Variants in PCSK6 observed in about 807,000 individuals in gnomAD.
PCSK6 encodes paired basic amino acid cleaving enzyme 4.
A neutral mutation model predicts 123.3 loss-of-function variants in PCSK6; 85 were observed. The ratio of observed to expected loss-of-function variants is 0.69; its 90% CI spans 0.58 to 0.83. PCSK6 has a LOEUF of 0.83. Ranked by LOEUF, PCSK6 falls within the 40% of genes least tolerant of loss-of-function variation. PCSK6 has a pLI of 0.00. For synonymous variants in PCSK6, 508 were observed against 516.0 expected, an observed-to-expected ratio of 0.98 and a Z score of 0.21; for missense variants, 1,191 against 1,282.3, an observed-to-expected ratio of 0.93 and a Z score of 1.09.
At chr15:101,386,323 T>C (rs1444010603) in intron 9 of PCSK6, among the ~76,000 whole-genome samples, 1 of 152,070 alleles carries the variant, frequency 6.6e-6, no homozygotes, top group Non-Finnish European at 1.5e-5. Context: ...CACAGGCGTC[T>C]CTCCAGTGGC....
intron 9 of PCSK6, among the ~76,000 whole-genome samples, chr15:101,384,864 G>A (rs1055146222): frequency 1.3e-5 from 2 of 152,340 alleles, no homozygotes; most frequent in East Asian, 3.9e-4. Context: ...CCCACTGGCT[G>A]TAGATTATAA....
rs1180759856 is a variant in PCSK6, at chr15:101,408,186, C to T, written c.824-9610G>A. Among the ~76,000 whole-genome samples the T allele has an allele frequency of 3.3e-5, 5 of 152,196 alleles. No individual in the cohort carries two copies. In the East Asian group the frequency reaches 9.6e-4, roughly 29 times the overall value. ...GGCAAGGAACCCTAGAGGAGGCGCA[C>T]GTGCCAAGAAAGCAAACCCATATCC... On this transcript the variant is annotated intron_variant, in intron 6 of 21. Transcript: ENST00000611716.
At position 101,304,047 on chromosome 15, in the gene PCSK6, G is replaced by A. The variant is rs1029818992; in HGVS notation, c.*1211C>T. The A allele has an allele frequency of 6.6e-6, 1 of 152,612 alleles. No individual in the cohort carries two copies. The highest frequency in any genetic ancestry group is 1.5e-5 in the Non-Finnish European group (1 of 68,040). 9.5% of individuals were successfully genotyped at this position (152,612 alleles called of 1,614,324 possible). ...TCTGGGTTCTCTCCAGCTCACAGGTGACAAGGCAAATGCACTGTCGTCAAA... is the reference window on the plus strand; with the variant it reads ...TCTGGGTTCTCTCCAGCTCACAGGTAACAAGGCAAATGCACTGTCGTCAAA... On this transcript the variant is annotated 3_prime_UTR_variant, in exon 22 of 22. Transcript: ENST00000611716.
chr15:101,341,752 A>T (rs1271653973), intron 13 of PCSK6, among the ~76,000 whole-genome samples: 3 of 152,224 alleles, frequency 2.0e-5, no homozygotes, highest in Non-Finnish European at 4.4e-5. Context: ...AAGGGAAATG[A>T]TAGCAGATGA....
chr15:101,403,507 T>G (rs2042672556), intron 6 of PCSK6, among the ~76,000 whole-genome samples: 1 of 151,952 alleles, frequency 6.6e-6, no homozygotes, highest in South Asian at 2.1e-4. Flanking sequence ...TAAAAACACA[T>G]GACTTGATAA....
intron 2 of PCSK6, among the ~76,000 whole-genome samples, chr15:101,432,627 C>CAA (rs555911608): frequency 1.0e-5 from 1 of 97,392 alleles, no homozygotes; most frequent in Non-Finnish European, 2.2e-5. Flanking sequence ...AAGACCCTGT[C>CAA]AAAAAAAAAA....
chr15:101,328,711 G>C (rs1399828010), intron 15 of PCSK6, among the ~76,000 whole-genome samples: 1 of 152,138 alleles, frequency 6.6e-6, no homozygotes, highest in African/African-American at 2.4e-5. Context: ...AGAGCTGCAG[G>C]GCCCCCACAC....
chr15:101,352,180 C>T (rs1461701388), intron 13 of PCSK6, among the ~76,000 whole-genome samples: 1 of 124,160 alleles, frequency 8.1e-6, no homozygotes, highest in Non-Finnish European at 1.6e-5. Flanking sequence ...CGGGGTCTCA[C>T]TCTGTCGCCC....
intron 1 of PCSK6, among the ~76,000 whole-genome samples, chr15:101,460,310 C>G (rs202100719): frequency 6.6e-6 from 1 of 152,192 alleles, no homozygotes; most frequent in Admixed American, 6.5e-5. Context: ...GGCCCTCTTT[C>G]GAGATGCCAC....
chr15:101,469,582 A>G (rs2057552655), intron 1 of PCSK6, among the ~76,000 whole-genome samples: 1 of 152,218 alleles, frequency 6.6e-6, no homozygotes, highest in Non-Finnish European at 1.5e-5. Context: ...GGTGGTGGGC[A>G]CGAGCCCCGA....
At chr15:101,426,538 G>A (rs181725283) in intron 6 of PCSK6, among the ~76,000 whole-genome samples, 29 of 152,360 alleles carry the variant, frequency 1.9e-4, no homozygotes, top group African/African-American at 6.3e-4. Context: ...TCTGCAGAAC[G>A]CGCCCTTGGG....
chr15:101,425,373 A>G (rs967353955), intron 6 of PCSK6, among the ~76,000 whole-genome samples: 1 of 152,140 alleles, frequency 6.6e-6, no homozygotes, highest in Non-Finnish European at 1.5e-5. Context: ...CCTCTGGGTG[A>G]GGTGCTCTAA....
Position 101,318,428 on chromosome 15 carries a change from G to T in PCSK6, c.2466-6C>A, listed in dbSNP as rs893004689. On this transcript the variant is annotated splice_region_variant and splice_polypyrimidine_tract_variant and intron_variant, in intron 18 of 21. Coordinates refer to ENST00000611716, the MANE Select transcript of PCSK6 (RefSeq NM_002570.5). ...TGCAGCTGCCCCGTGCAAGGCTGTTGAAAAGAAAGAGGCAGATTTCCACAT... is the reference window on the plus strand; with the variant it reads ...TGCAGCTGCCCCGTGCAAGGCTGTTTAAAAGAAAGAGGCAGATTTCCACAT... 5.8e-6 allele frequency: 9 copies of T among 1,552,002 alleles called. No homozygotes were observed. In the Admixed American group the frequency reaches 9.8e-5, roughly 17 times the overall value.
chr15:101,426,309 C>A (rs906644414), intron 6 of PCSK6, among the ~76,000 whole-genome samples: 2 of 152,164 alleles, frequency 1.3e-5, no homozygotes, highest in Non-Finnish European at 2.9e-5. Flanking sequence ...GGTAAAGAAA[C>A]CTTGGCTCAG....
intron 13 of PCSK6, among the ~76,000 whole-genome samples, chr15:101,353,423 T>TC (rs1344916514): frequency 6.6e-6 from 1 of 152,076 alleles, no homozygotes; most frequent in African/African-American, 2.4e-5. Context: ...CTGTGTAGTC[T>TC]AGTCCCTAAC....
At chr15:101,453,184 C>T (rs1164458185) in intron 1 of PCSK6, among the ~76,000 whole-genome samples, 6 of 152,226 alleles carry the variant, frequency 3.9e-5, no homozygotes, top group Admixed American at 1.3e-4. Context: ...AAGGAGGGCC[C>T]GTGGGATCCA....
At chr15:101,333,637 CCTATGCACTGTTT>C in intron 13 of PCSK6, among the ~76,000 whole-genome samples, 1 of 152,364 alleles carries the variant, frequency 6.6e-6, no homozygotes, top group East Asian at 1.9e-4. Flanking sequence ...TACATACCTG[CCTATGCACTGTTT>C]CTGCAATGCA....
rs1459111840 is a variant in PCSK6 at position 101,382,274 on chromosome 15, TC to T, written c.1415-66del. The T allele has an allele frequency of 4.7e-6, 6 of 1,280,772 alleles. No individual in the cohort carries two copies. In the East Asian group the frequency reaches 7.5e-5, roughly 16 times the overall value. 79.3% of individuals were successfully genotyped at this position (1,280,772 alleles called of 1,614,324 possible). On this transcript the variant is annotated intron_variant, in intron 10 of 21. Coordinates refer to ENST00000611716, the MANE Select transcript of PCSK6 (RefSeq NM_002570.5). The stretch of plus-strand genomic sequence containing the variant: ...CTCCCAGGAAGGGAGCAAGGCTGGC[TC>T]TTGCATCTGCCGGGCCCCATGGAGG...
At chr15:101,334,284 T>C (rs1434585150) in intron 13 of PCSK6, 107 of 7,270 alleles carry the variant, frequency 0.015, no homozygotes, top group African/African-American at 0.062. Context: ...AGGAAGTTGT[T>C]CTCACCGCTG....
Sources: allele counts gnomAD v4.1 joint callset (sites outside exome capture counted in the v4.1 genomes callset), GRCh38; gene constraint gnomAD v4.1.1; transcripts MANE v1.5; gene names NCBI Gene and HGNC (gene_info 2026-07-23, HGNC 2026-07-21).